Variants in EPHB1 observed in about 807,000 individuals in gnomAD.
EPHB1 encodes ephrin type-B receptor 1.
Under a neutral mutation model 94.4 loss-of-function variants are expected in EPHB1, and 30 were observed. The ratio of observed to expected loss-of-function variants is 0.32; its 90% CI spans 0.24 to 0.43. EPHB1 has a LOEUF of 0.43. Ranked by LOEUF, EPHB1 falls within the 20% of genes least tolerant of loss-of-function variation. The pLI is 1.00. For missense variants in EPHB1, 1,055 were observed against 1,308.3 expected, an observed-to-expected ratio of 0.81 and a Z score of 2.99; for synonymous variants, 522 against 489.1, an observed-to-expected ratio of 1.07 and a Z score of -0.89.
intron 3 of EPHB1, among the ~76,000 whole-genome samples, chr3:135,023,355 C>A (rs1050309759): frequency 3.3e-5 from 5 of 152,128 alleles, no homozygotes; most frequent in Non-Finnish European, 5.9e-5. Flanking sequence ...CTGAATAATT[C>A]TTTGTTGTGG....
intron 3 of EPHB1, among the ~76,000 whole-genome samples, chr3:135,004,899 T>A (rs1935333676): frequency 6.6e-6 from 1 of 152,102 alleles, no homozygotes. Flanking sequence ...TTGCCTTTGG[T>A]TTGAATGTCC....
chr3:134,817,666 C>T (rs1346415763), intron 1 of EPHB1, among the ~76,000 whole-genome samples: 2 of 152,232 alleles, frequency 1.3e-5, no homozygotes, highest in East Asian at 1.9e-4. Flanking sequence ...GTGGTCCAAC[C>T]TCTTTCTCTT....
At chr3:135,091,001 C>T (rs1400672131) in intron 3 of EPHB1, among the ~76,000 whole-genome samples, 3 of 152,148 alleles carry the variant, frequency 2.0e-5, no homozygotes, top group African/African-American at 7.2e-5. Flanking sequence ...TCAAGTACAC[C>T]ACAGAAAGGG....
chr3:134,885,392 A>G (rs768674123), intron 1 of EPHB1, among the ~76,000 whole-genome samples: 11 of 152,232 alleles, frequency 7.2e-5, no homozygotes, highest in Non-Finnish European at 1.6e-4. Context: ...GCAGAATGAA[A>G]AGCGATGAAT....
intron 1 of EPHB1, among the ~76,000 whole-genome samples, chr3:134,891,589 C>A (rs1461812429): frequency 6.6e-6 from 1 of 151,684 alleles, no homozygotes; most frequent in African/African-American, 2.4e-5. Context: ...ATTGAGACAC[C>A]TGGATAATAT....
chr3:135,124,337 A>G (rs539648174), intron 4 of EPHB1, among the ~76,000 whole-genome samples: 1 of 151,862 alleles, frequency 6.6e-6, no homozygotes, highest in African/African-American at 2.4e-5. Context: ...GTATCATCAG[A>G]GCCCTATGAC....
At chr3:134,804,071 A>ATTTTTTTTTTTTTT (rs572201781) in intron 1 of EPHB1, among the ~76,000 whole-genome samples, 1 of 43,750 alleles carries the variant, frequency 2.3e-5, no homozygotes, top group Admixed American at 4.1e-4. Context: ...ATTATTGGCT[A>ATTTTTTTTTTTTTT]TTTTTTTTTT....
intron 3 of EPHB1, among the ~76,000 whole-genome samples, chr3:135,096,352 C>G (rs1162956818): frequency 6.6e-6 from 1 of 152,194 alleles, no homozygotes; most frequent in East Asian, 1.9e-4. Flanking sequence ...TGCATTCTTC[C>G]AGATGGCCTA....
intron 1 of EPHB1, among the ~76,000 whole-genome samples, chr3:134,840,159 T>C (rs1265050885): frequency 6.6e-6 from 1 of 152,240 alleles, no homozygotes; most frequent in East Asian, 1.9e-4. Flanking sequence ...CACATCACTA[T>C]GGCACAGGGC....
chr3:135,203,610 T>C (rs1433303073), intron 12 of EPHB1, among the ~76,000 whole-genome samples: 5 of 152,174 alleles, frequency 3.3e-5, no homozygotes, highest in African/African-American at 9.7e-5. Context: ...TCTTAGCTCA[T>C]GAACTATCAA....
chr3:135,017,147 G>C (rs1164954483), intron 3 of EPHB1, among the ~76,000 whole-genome samples: 2 of 152,182 alleles, frequency 1.3e-5, no homozygotes, highest in Non-Finnish European at 2.9e-5. Context: ...CTAATTCACA[G>C]CTCTGTGTGC....
chr3:135,166,121 C>T, intron 8 of EPHB1, 45 bp downstream of exon 8: 1 of 1,477,028 alleles, frequency 6.8e-7, no homozygotes, highest in Non-Finnish European at 9.5e-7. Context: ...CCAGGAAGCC[C>T]CTCTCCATGT....
intron 2 of EPHB1, among the ~76,000 whole-genome samples, chr3:134,940,588 G>T (rs551639214): frequency 6.6e-6 from 1 of 152,258 alleles, no homozygotes; most frequent in South Asian, 2.1e-4. Context: ...ACTTGTTCTG[G>T]TTGCCCTCTG....
At chr3:134,903,278 G>C (rs1319283068) in intron 1 of EPHB1, among the ~76,000 whole-genome samples, 1 of 152,204 alleles carries the variant, frequency 6.6e-6, no homozygotes, top group Non-Finnish European at 1.5e-5. Context: ...CCTGCTCAGG[G>C]CTCCAGTCTG....
chr3:134,979,286 A>G (rs1265519072), intron 3 of EPHB1, among the ~76,000 whole-genome samples: 2 of 152,200 alleles, frequency 1.3e-5, no homozygotes, highest in Admixed American at 6.5e-5. Flanking sequence ...GTAAAGGAGC[A>G]TGTTCAAAGG....
chr3:135,022,882 G>GT (rs1327016291), intron 3 of EPHB1, among the ~76,000 whole-genome samples: 3 of 152,116 alleles, frequency 2.0e-5, no homozygotes, highest in East Asian at 1.9e-4. Flanking sequence ...CAAGTATTAT[G>GT]TTTTTTCTAA....
chr3:134,996,170 G>A (rs1934988871), intron 3 of EPHB1, among the ~76,000 whole-genome samples: 1 of 151,936 alleles, frequency 6.6e-6, no homozygotes, highest in African/African-American at 2.4e-5. Flanking sequence ...CATATTTTTG[G>A]TAACTTAATG....
intron 3 of EPHB1, among the ~76,000 whole-genome samples, chr3:134,978,959 C>A (rs1934302757): frequency 6.6e-6 from 1 of 152,202 alleles, no homozygotes; most frequent in Non-Finnish European, 1.5e-5. Flanking sequence ...TGGGTTTTCT[C>A]CTCCATGATG....
chr3:134,820,321 C>T (rs1025035473), intron 1 of EPHB1, among the ~76,000 whole-genome samples: 12 of 152,310 alleles, frequency 7.9e-5, no homozygotes, highest in South Asian at 6.2e-4. Flanking sequence ...AAACCACAAC[C>T]TCTCCATAGT....
Sources: allele counts gnomAD v4.1 joint callset (sites outside exome capture counted in the v4.1 genomes callset), GRCh38; gene constraint gnomAD v4.1.1; transcripts MANE v1.5; gene names NCBI Gene and HGNC (gene_info 2026-07-23, HGNC 2026-07-21).